Variants in SLC9A8 observed in about 807,000 individuals in gnomAD.
SLC9A8 encodes solute carrier family 9 member A8.
A neutral mutation model predicts 66.6 loss-of-function variants in SLC9A8; 48 were observed. That is an observed-to-expected ratio of 0.72 (90% CI 0.57 to 0.92). SLC9A8 has a LOEUF of 0.92. Ranked by LOEUF, SLC9A8 falls within the 40% of genes least tolerant of loss-of-function variation. The pLI, the probability that SLC9A8 is intolerant of heterozygous loss-of-function variation, is 0.00. For missense variants in SLC9A8, 599 were observed against 747.3 expected (o/e 0.80, Z 2.31); for synonymous variants, 274 against 282.6 (o/e 0.97, Z 0.31).
At chr20:49,854,969 C>T (rs1249869780) in intron 7 of SLC9A8, among the ~76,000 whole-genome samples, 1 of 152,216 alleles carries the variant, frequency 6.6e-6, no homozygotes, top group African/African-American at 2.4e-5. Context: ...CCAAAGCACA[C>T]TGGGGTTGCT....
intron 2 of SLC9A8, among the ~76,000 whole-genome samples, chr20:49,819,204 T>C (rs538133334): frequency 1.3e-5 from 2 of 152,352 alleles, no homozygotes; most frequent in Non-Finnish European, 2.9e-5. Context: ...TTTATGGGCC[T>C]TGAAACTTAA....
At position 49,855,552 on chromosome 20, in the gene SLC9A8, C is replaced by T. The variant is rs376424613; in HGVS notation, c.684C>T (p.Leu228=). The T allele has an allele frequency of 1.2e-6, 2 of 1,614,154 alleles. No individual in the cohort carries two copies. The highest frequency in any genetic ancestry group is 2.2e-5 in the East Asian group (1 of 44,882). ...TGCTGGTCTTTGGAGAAAGTATTCT[C>T]AACGATGCAGTCTCCATTGTTCTGA... ...LNMLVFGESI[L]NDAVSIVLTN... The change falls in exon 8 of 16, where the codon CTC becomes CTT. Residue 228 remains leucine (L), a synonymous_variant. Transcript: ENST00000361573.
intron 12 of SLC9A8, among the ~76,000 whole-genome samples, chr20:49,878,528 A>G (rs560356492): frequency 6.6e-6 from 1 of 152,336 alleles, no homozygotes; most frequent in African/African-American, 2.4e-5. Flanking sequence ...ATAATTTATT[A>G]TGTACTTCTT....
At chr20:49,856,059 C>T (rs2088467550) in intron 8 of SLC9A8, among the ~76,000 whole-genome samples, 3 of 152,206 alleles carry the variant, frequency 2.0e-5, no homozygotes, top group Admixed American at 2.0e-4. Context: ...TCCCAAAGTG[C>T]TGGGATTACA....
chr20:49,883,718 A>G, intron 13 of SLC9A8, 128 bp from the exon 14 acceptor site: 1 of 704,390 alleles, frequency 1.4e-6, no homozygotes, highest in Non-Finnish European at 2.3e-6. Context: ...GTGAGCACAC[A>G]CTCTTCAGCA....
intron 9 of SLC9A8, among the ~76,000 whole-genome samples, 189 bp downstream of exon 9, chr20:49,863,256 T>C (rs755304810): frequency 4.6e-5 from 7 of 152,222 alleles, no homozygotes; most frequent in Non-Finnish European, 8.8e-5. Flanking sequence ...ACGTGAAATT[T>C]AGGATGTCAC....
chr20:49,865,849 C>T (rs183309958), intron 10 of SLC9A8, among the ~76,000 whole-genome samples: 1 of 152,330 alleles, frequency 6.6e-6, no homozygotes, highest in Admixed American at 6.5e-5. Flanking sequence ...GAAGTCTGAT[C>T]CCATCCTTTG....
At chr20:49,842,596 ACTCT>A (rs1048429942) in intron 4 of SLC9A8, among the ~76,000 whole-genome samples, 2 of 151,862 alleles carry the variant, frequency 1.3e-5, no homozygotes, top group African/African-American at 4.8e-5. Flanking sequence ...AAAGGGGCTG[ACTCT>A]CTCAATCCAT....
chr20:49,832,911 CT>C (rs941773714), intron 3 of SLC9A8, among the ~76,000 whole-genome samples: 83 of 144,644 alleles, frequency 5.7e-4, no homozygotes, highest in Admixed American at 6.2e-4. Flanking sequence ...AAATCCTTTC[CT>C]TTTTTTTTTT....
chr20:49,884,086 G>T lies in SLC9A8; in HGVS notation c.1491+20G>T, dbSNP rs375758475. ...AAGATGGTTAGTACCATGCGCCTGT[G>T]GGGGTGGGGCAGGGGGCTGGCCTGC... On this transcript the variant is annotated intron_variant, in intron 14 of 15. Coordinates refer to ENST00000361573, the MANE Select transcript of SLC9A8 (RefSeq NM_015266.3). The T allele has an allele frequency of 1.6e-5, 25 of 1,608,256 alleles. No homozygotes were observed. Among genetic ancestry groups the T allele is most frequent in the South Asian group, 2.2e-5 (2 of 90,922 alleles).
intron 8 of SLC9A8, among the ~76,000 whole-genome samples, chr20:49,861,849 A>G (rs1244714207): frequency 6.6e-6 from 1 of 152,046 alleles, no homozygotes; most frequent in East Asian, 1.9e-4. Flanking sequence ...TTCCTCCTTA[A>G]TGTCTCCTAA....
In SLC9A8 at chr20:49,884,338, C is replaced by CACACACACACACACACACACACA. The variant is rs1600823664; in HGVS notation, c.1491+272_1491+273insACACACACACACACACACACACA. Among the ~76,000 whole-genome samples the CACACACACACACACACACACACA allele has an allele frequency of 5.0e-3, 224 of 44,582 alleles. 76 individuals carry two copies. Among genetic ancestry groups the CACACACACACACACACACACACA allele is most frequent in the African/African-American group, 8.0e-3 (86 of 10,802 alleles). 29.2% of individuals were successfully genotyped at this position (44,582 alleles called of 152,430 possible). A position where few individuals can be genotyped will look rare whatever the true frequency, so the allele number is the denominator to read the frequency against. ...CACACACACACACACACACACACAC[C>CACACACACACACACACACACACA]CCCCGGTCATCCCCCCTGAGAAGGA... On this transcript the variant is annotated intron_variant, in intron 14 of 15. Transcript: ENST00000361573.
At chr20:49,828,522 CA>C (rs1374301689) in intron 3 of SLC9A8, among the ~76,000 whole-genome samples, 1 of 145,812 alleles carries the variant, frequency 6.9e-6, no homozygotes, top group Non-Finnish European at 1.5e-5. Flanking sequence ...TGTGCCTGGC[CA>C]AAAAATTGTT....
chr20:49,840,623 G>A (rs1001061982), intron 4 of SLC9A8, among the ~76,000 whole-genome samples: 2 of 152,170 alleles, frequency 1.3e-5, no homozygotes, highest in African/African-American at 4.8e-5. Context: ...GAGCTCTGGA[G>A]AGTGATAAGA....
intron 2 of SLC9A8, among the ~76,000 whole-genome samples, chr20:49,817,085 T>G (rs977526885): frequency 6.7e-6 from 1 of 150,344 alleles, no homozygotes; most frequent in African/African-American, 2.4e-5. Flanking sequence ...CCCAGCACTT[T>G]CGCGTGGATC....
intron 8 of SLC9A8, 51 bp from the exon 9 acceptor site, chr20:49,862,878 A>C (rs373010175): frequency 2.1e-6 from 3 of 1,409,556 alleles, no homozygotes; most frequent in Non-Finnish European, 3.0e-6. Flanking sequence ...ATTTCTAAGA[A>C]CTTTGTGTAT....
intron 13 of SLC9A8, 37 bp from the exon 14 acceptor site, chr20:49,883,809 T>G: frequency 6.4e-7 from 1 of 1,552,792 alleles, no homozygotes; most frequent in Non-Finnish European, 8.7e-7. Context: ...CTGCTGCCTC[T>G]TCACTGTGTC....
At chr20:49,874,646 T>G in intron 10 of SLC9A8, 59 bp from the exon 11 acceptor site, 66 of 1,068,784 alleles carry the variant, frequency 6.2e-5, no homozygotes, top group Non-Finnish European at 9.4e-5. Flanking sequence ...GCAGGCATTG[T>G]GAGATCTGAG....
intron 14 of SLC9A8, chr20:49,884,295 C>CG (rs1289597695): frequency 9.9e-6 from 3 of 304,058 alleles, no homozygotes; most frequent in African/African-American, 8.4e-5. Context: ...ACACGACACA[C>CG]ACACACACAC....
Sources: gnomAD v4.1 joint callset for allele counts (sites outside exome capture counted in the v4.1 genomes callset) on GRCh38, gnomAD v4.1.1 for gene constraint, MANE v1.5 for transcripts, NCBI Gene and HGNC (gene_info 2026-07-23, HGNC 2026-07-21) for gene names.